PDE4D: variants seen among roughly 807,000 people sequenced by gnomAD.
PDE4D encodes 3',5'-cyclic-AMP phosphodiesterase 4D.
Under a neutral mutation model 87.4 loss-of-function variants are expected in PDE4D, and 24 were observed. The ratio of observed to expected loss-of-function variants is 0.27; its 90% CI spans 0.20 to 0.39. PDE4D has a LOEUF of 0.39. Among genes scored for constraint, PDE4D ranks in the 10% least tolerant of loss-of-function variants. The pLI, the probability that PDE4D is intolerant of heterozygous loss-of-function variation, is 1.00. For synonymous variants in PDE4D, 384 were observed against 383.2 expected (o/e 1.00, Z -0.02); for missense variants, 714 against 1,041.0 (o/e 0.69, Z 4.32).
chr5:60,361,948 C>T (rs915540663), intron 1 of PDE4D, among the ~76,000 whole-genome samples: 2 of 152,196 alleles, frequency 1.3e-5, no homozygotes, highest in African/African-American at 4.8e-5. Context: ...TGTCACAGCC[C>T]AGACTCACAG....
intron 1 of PDE4D, among the ~76,000 whole-genome samples, chr5:60,428,213 G>A (rs189363039): frequency 6.6e-6 from 1 of 152,242 alleles, no homozygotes; most frequent in African/African-American, 2.4e-5. Context: ...ATGCATAGGG[G>A]CTGCATATTT....
At chr5:59,234,685 A>G (rs1755981487) in intron 1 of PDE4D, among the ~76,000 whole-genome samples, 1 of 152,210 alleles carries the variant, frequency 6.6e-6, no homozygotes, top group Non-Finnish European at 1.5e-5. Flanking sequence ...TTACAGAAAA[A>G]TATATGCTGT....
At chr5:59,597,110 C>T (rs1826802925) in intron 1 of PDE4D, among the ~76,000 whole-genome samples, 1 of 152,114 alleles carries the variant, frequency 6.6e-6, no homozygotes, top group Non-Finnish European at 1.5e-5. Flanking sequence ...AACTATGTTC[C>T]CCCTTTTCTA....
intron 1 of PDE4D, among the ~76,000 whole-genome samples, chr5:60,427,795 G>C (rs1279527843): frequency 6.6e-6 from 1 of 152,234 alleles, no homozygotes; most frequent in Non-Finnish European, 1.5e-5. Context: ...GATGAGGCCA[G>C]GTGTTGTGGC....
chr5:59,576,592 G>A (rs1306973068), intron 1 of PDE4D, among the ~76,000 whole-genome samples: 2 of 151,966 alleles, frequency 1.3e-5, no homozygotes, highest in African/African-American at 2.4e-5. Context: ...TGGGTATTGT[G>A]GTATAAAGTA....
intron 1 of PDE4D, among the ~76,000 whole-genome samples, chr5:59,321,238 C>T (rs1235941532): frequency 6.6e-6 from 1 of 152,036 alleles, no homozygotes; most frequent in African/African-American, 2.4e-5. Flanking sequence ...GTTACCTGGC[C>T]TATGTCTTTC....
chr5:59,127,183 T>G (rs10035950), intron 5 of PDE4D, among the ~76,000 whole-genome samples: 21,248 of 152,236 alleles, frequency 0.14, 1,818 homozygotes, highest in Admixed American at 0.2. Context: ...TCCACAGTAA[T>G]GTGCGTGTGT....
intron 1 of PDE4D, among the ~76,000 whole-genome samples, chr5:60,505,157 G>C (rs527687452): frequency 5.0e-4 from 76 of 152,282 alleles, no homozygotes; most frequent in African/African-American, 1.8e-3. Context: ...GAATAGAAAA[G>C]GTTGACTTTT....
At chr5:60,105,694 T>C (rs902067562) in intron 2 of PDE4D, among the ~76,000 whole-genome samples, 13 of 152,166 alleles carry the variant, frequency 8.5e-5, no homozygotes, top group African/African-American at 3.1e-4. Context: ...CAGAAGATAA[T>C]GGGGGCCAAT....
intron 1 of PDE4D, among the ~76,000 whole-genome samples, chr5:60,483,865 A>G (rs1481780872): frequency 6.6e-6 from 1 of 152,206 alleles, no homozygotes; most frequent in Non-Finnish European, 1.5e-5. Flanking sequence ...AAAAGGGTTC[A>G]ACAGGTGAAA....
intron 2 of PDE4D, among the ~76,000 whole-genome samples, chr5:60,052,425 C>T (rs565347597): frequency 2.0e-5 from 3 of 152,106 alleles, no homozygotes; most frequent in Non-Finnish European, 4.4e-5. Flanking sequence ...TAAACAGAAC[C>T]AATGACAAAA....
intron 1 of PDE4D, among the ~76,000 whole-genome samples, chr5:60,429,288 G>A (rs767263831): frequency 1.3e-5 from 2 of 152,104 alleles, no homozygotes; most frequent in Non-Finnish European, 2.9e-5. Flanking sequence ...TTATGCTCTT[G>A]ATTTGGCACT....
In PDE4D at chr5:59,673,472, C is replaced by T. The variant is rs570141461; in HGVS notation, c.455+219696G>A. Among the ~76,000 whole-genome samples the T allele has an allele frequency of 2.6e-5, 4 of 152,284 alleles. No homozygotes were observed. The East Asian group carries it at 5.8e-4, about 22-fold the overall frequency. ...TGTTTACAAACCCAATCGTTACTCC[C>T]TTTTTGAATGCAAAGTAACACGTGC... On this transcript the variant is annotated intron_variant, in intron 1 of 14. Transcript: ENST00000340635.
At chr5:59,988,654 A>G (rs1037525450) in exon 3 of PDE4D, 2 of 1,599,260 alleles carry the variant, frequency 1.3e-6, no homozygotes, top group Non-Finnish European at 1.7e-6. Flanking sequence ...CGGACAAGAT[A>G]GGGTTCCATT....
chr5:60,334,321 T>C (rs1356624988), intron 1 of PDE4D, among the ~76,000 whole-genome samples: 2 of 152,156 alleles, frequency 1.3e-5, no homozygotes, highest in Non-Finnish European at 2.9e-5. Flanking sequence ...CCAGCCTGAC[T>C]CCCAATGGAC....
At chr5:60,428,785 T>C (rs1292640045) in intron 1 of PDE4D, among the ~76,000 whole-genome samples, 2 of 152,220 alleles carry the variant, frequency 1.3e-5, no homozygotes, top group African/African-American at 4.8e-5. Flanking sequence ...GTGTTACCAA[T>C]GCCTTACAAT....
chr5:60,484,019 A>C (rs1748934398), intron 1 of PDE4D, among the ~76,000 whole-genome samples: 1 of 152,196 alleles, frequency 6.6e-6, no homozygotes, highest in Non-Finnish European at 1.5e-5. Flanking sequence ...AGAACCACCT[A>C]AAAATTTGGG....
At chr5:59,238,669 CAT>C (rs1363554016) in intron 1 of PDE4D, among the ~76,000 whole-genome samples, 5 of 152,146 alleles carry the variant, frequency 3.3e-5, no homozygotes, top group African/African-American at 1.2e-4. Context: ...TCCTCTGAGT[CAT>C]AGTTATCCCT....
At chr5:60,480,934 C>T (rs758180459) in intron 1 of PDE4D, among the ~76,000 whole-genome samples, 29 of 152,118 alleles carry the variant, frequency 1.9e-4, no homozygotes, top group Non-Finnish European at 3.5e-4. Flanking sequence ...TTTTAAATTG[C>T]TTTTGGAATG....
Sources: allele counts gnomAD v4.1 joint callset (sites outside exome capture counted in the v4.1 genomes callset), GRCh38; gene constraint gnomAD v4.1.1; transcripts MANE v1.5; gene names NCBI Gene and HGNC (gene_info 2026-07-23, HGNC 2026-07-21).